Variants in HIF3A observed in about 807,000 individuals in gnomAD.
HIF3A encodes hypoxia inducible factor 3 subunit alpha.
A neutral mutation model predicts 67.2 loss-of-function variants in HIF3A; 41 were observed. The ratio of observed to expected loss-of-function variants is 0.61; its 90% CI spans 0.48 to 0.79. The LOEUF (loss-of-function observed/expected upper bound fraction) is 0.79, where lower values mean the gene tolerates loss of function less well. Among genes scored for constraint, HIF3A ranks in the 30% least tolerant of loss-of-function variants. HIF3A has a pLI of 0.00. For synonymous variants in HIF3A, 356 were observed against 374.8 expected (o/e 0.95, Z 0.58); for missense variants, 855 against 898.0 (o/e 0.95, Z 0.61).
rs749468259 is a variant in HIF3A at position 46,308,269 on chromosome 19, C to G, written c.412C>G (p.Gln138Glu). ...CTTTGATTTCATCCACCCCTGTGAC[C>G]AAGAGGAGCTTCAGGACGCCCTGAC... ...SIFDFIHPCD[Q>E]EELQDALTPQ... Residue 138 changes from glutamine to glutamate, a missense_variant, in exon 4 of 15, where the codon CAA becomes GAA. Gln to Glu is a conservative substitution (Grantham distance 29). Transcript: ENST00000377670. The G allele has an allele frequency of 3.7e-6, 6 of 1,613,806 alleles. No individual in the cohort carries two copies. The South Asian group carries it at 6.6e-5, about 18-fold the overall frequency.
chr19:46,322,557 A>G (rs1970452241), intron 10 of HIF3A, among the ~76,000 whole-genome samples: 1 of 152,126 alleles, frequency 6.6e-6, no homozygotes, highest in African/African-American at 2.4e-5. Flanking sequence ...CTCTTGCCTC[A>G]GCCTCCCAAG....
At chr19:46,304,236 C>G in intron 2 of HIF3A, 148 bp downstream of exon 2, 1 of 656,184 alleles carries the variant, frequency 1.5e-6, no homozygotes, top group South Asian at 1.9e-5. Context: ...CCCCACCCCC[C>G]TGGAATCGAC....
chr19:46,336,334 C>T (rs1039586948), intron 14 of HIF3A, among the ~76,000 whole-genome samples: 10 of 151,502 alleles, frequency 6.6e-5, no homozygotes, highest in African/African-American at 1.7e-4. Flanking sequence ...CCTCATGATC[C>T]GCCCACCTCG....
intron 1 of HIF3A, among the ~76,000 whole-genome samples, chr19:46,301,537 C>T (rs1968330043): frequency 6.6e-6 from 1 of 152,086 alleles, no homozygotes; most frequent in African/African-American, 2.4e-5. Flanking sequence ...TTTAAAATGC[C>T]CCCCTCCGCC....
At chr19:46,313,004 C>T (rs1969599667) in intron 8 of HIF3A, 3 of 988,920 alleles carry the variant, frequency 3.0e-6, no homozygotes, top group African/African-American at 3.6e-5. Context: ...AATCCTAGCA[C>T]TTTGGGAGGC....
At chr19:46,326,791 A>G (rs544453674) in intron 11 of HIF3A, among the ~76,000 whole-genome samples, 1 of 152,284 alleles carries the variant, frequency 6.6e-6, no homozygotes, top group African/African-American at 2.4e-5. Context: ...GCATGCATAT[A>G]TCCCTGGTCC....
rs751867559 is a variant in HIF3A at position 46,334,914 on chromosome 19, C to T, written c.1840C>T (p.Leu614=). The change falls in exon 14 of 15, where the codon CTG becomes TTG. Residue 614 remains leucine (L), a synonymous_variant. Coordinates refer to ENST00000377670, the MANE Select transcript of HIF3A (RefSeq NM_152795.4). ...TGTCTCTCTCCCACAGAGTTTCCTTCTGACAGGAGGACCAGCCCCAGGGAG... is the reference window on the plus strand; with the variant it reads ...TGTCTCTCTCCCACAGAGTTTCCTTTTGACAGGAGGACCAGCCCCAGGGAG... ...LLFPLSLSFL[L]TGGPAPGSLQ... The T allele has an allele frequency of 3.2e-5, 51 of 1,608,942 alleles. No individual in the cohort carries two copies. The highest frequency in any genetic ancestry group is 2.5e-4 in the East Asian group (11 of 44,728).
chr19:46,331,148 TC>T lies in HIF3A; in HGVS notation c.1713-6del. The T allele has an allele frequency of 6.2e-7, 1 of 1,605,398 alleles. No homozygotes were observed. The highest frequency in any genetic ancestry group is 8.5e-7 in the Non-Finnish European group (1 of 1,174,220). ...TGTGTCCTGAGATTCTTGCCTGTTT[TC>T]CTCCAGGACCCTGGCCCAGAGCTCA... On this transcript the variant is annotated splice_polypyrimidine_tract_variant and splice_region_variant and intron_variant, in intron 12 of 14. Transcript: ENST00000377670.
At chr19:46,330,367 G>A (rs931235796) in intron 12 of HIF3A, among the ~76,000 whole-genome samples, 3 of 152,198 alleles carry the variant, frequency 2.0e-5, no homozygotes, top group Admixed American at 6.5e-5. Flanking sequence ...ATGTCTGGAC[G>A]GATGGATGGA....
chr19:46,328,454 T>C lies in HIF3A; in HGVS notation c.1441-753T>C, dbSNP rs187261312. On this transcript the variant is annotated intron_variant, in intron 11 of 14. Coordinates refer to ENST00000377670, the MANE Select transcript of HIF3A (RefSeq NM_152795.4). ...AGAAATATTTTTTTATCTCTCTCTCTTCTTGCCTTTTACTATAAGTAACAA... is the reference window on the plus strand; with the variant it reads ...AGAAATATTTTTTTATCTCTCTCTCCTCTTGCCTTTTACTATAAGTAACAA... Among the ~76,000 whole-genome samples, 58 of 152,372 alleles carry C rather than the reference T, an allele frequency of 3.8e-4. 1 individual carries two copies. The highest frequency in any genetic ancestry group is 3.8e-3 in the Admixed American group (58 of 15,304).
chr19:46,341,290 C>T lies in HIF3A; in HGVS notation c.*1668C>T, dbSNP rs1215559936. Reference sequence around the variant, plus strand: ...TCTCGGCTCACTGCAGCCTCCACCTCCTGGGTTCAAGCAATTCTTGGGCCT... The same window carrying T: ...TCTCGGCTCACTGCAGCCTCCACCTTCTGGGTTCAAGCAATTCTTGGGCCT... On this transcript the variant is annotated 3_prime_UTR_variant, in exon 15 of 15. Transcript: ENST00000377670. 5 of 151,604 alleles carry T rather than the reference C, an allele frequency of 3.3e-5. No homozygotes were observed. The highest frequency in any genetic ancestry group is 4.9e-5 in the African/African-American group (2 of 41,194). 9.4% of individuals were successfully genotyped at this position (151,604 alleles called of 1,614,324 possible). A position where few individuals can be genotyped will look rare whatever the true frequency, so the allele number is the denominator to read the frequency against.
In HIF3A at chr19:46,309,196, C is replaced by T. The variant is rs756173301; in HGVS notation, c.607C>T (p.Gln203Ter). The T allele has an allele frequency of 1.2e-6, 2 of 1,614,126 alleles. No homozygotes were observed. The highest frequency in any genetic ancestry group is 1.7e-5 in the Admixed American group (1 of 60,020). The change falls in exon 6 of 15, where the codon CAG becomes TAG. Residue 203 changes from glutamine (Q) to a stop codon, truncating the protein, a stop_gained. Transcript: ENST00000377670. LOFTEE classifies it high-confidence loss of function. ...TATGAGGGCCTACAAGCCACCTGCG[C>T]AGACTTCTCCAGCTGGGAGCCCTGA... ...GHMRAYKPPAQTSPAGSPDSE... is the reference protein window; with the variant it reads ...GHMRAYKPPA
intron 6 of HIF3A, among the ~76,000 whole-genome samples, chr19:46,311,490 G>C (rs1969418641): frequency 6.6e-6 from 1 of 152,146 alleles, no homozygotes; most frequent in African/African-American, 2.4e-5. Flanking sequence ...CCTTCTGGAG[G>C]CTCCAGGAAA....
Position 46,312,201 on chromosome 19 carries a change from G to C in HIF3A, c.811G>C (p.Gly271Arg). ...VAGYSPDDLI[G>R]CSAYEYIHAL... The stretch of plus-strand genomic sequence containing the variant: ...TGGCTATAGTCCCGATGACCTGATC[G>C]GCTGTTCCGCCTACGAGTACATCCA... The change falls in exon 7 of 15, where the codon GGC (glycine) becomes CGC (arginine). Residue 271 changes from glycine (G) to arginine (R), a missense_variant. Physicochemically the swap from Gly to Arg is moderately radical, Grantham distance 125 (BLOSUM62 -2). Coordinates refer to ENST00000377670, the MANE Select transcript of HIF3A (RefSeq NM_152795.4). The C allele has an allele frequency of 6.2e-7, 1 of 1,613,926 alleles. No individual in the cohort carries two copies. Among genetic ancestry groups the C allele is most frequent in the Non-Finnish European group, 8.5e-7 (1 of 1,180,006 alleles).
intron 14 of HIF3A, among the ~76,000 whole-genome samples, chr19:46,338,037 T>C (rs10402696): frequency 0.14 from 20,612 of 152,190 alleles, 2,168 homozygotes; most frequent in African/African-American, 0.29. Flanking sequence ...GCACTCGCAC[T>C]GTGCCTAGCT....
At chr19:46,325,354 C>T (rs1970701956) in intron 10 of HIF3A, among the ~76,000 whole-genome samples, 181 bp from the exon 11 acceptor site, 1 of 152,104 alleles carries the variant, frequency 6.6e-6, no homozygotes, top group Admixed American at 6.6e-5. Context: ...TATGTACACC[C>T]AGGCATTCTG....
intron 14 of HIF3A, among the ~76,000 whole-genome samples, chr19:46,336,879 C>T (rs1006607970): frequency 2.0e-5 from 3 of 152,146 alleles, no homozygotes; most frequent in African/African-American, 4.8e-5. Context: ...CCCAACTACT[C>T]GGGAGGCTGA....
chr19:46,302,593 G>C (rs949000148), intron 1 of HIF3A, among the ~76,000 whole-genome samples: 7 of 152,166 alleles, frequency 4.6e-5, no homozygotes, highest in Non-Finnish European at 1.0e-4. Context: ...TATGAAAGAG[G>C]CCAGGCGTGG....
In HIF3A at chr19:46,321,907, T is replaced by G. The variant is rs746815083; in HGVS notation, c.1276T>G (p.Ser426Ala). ...CCTGGGACCCATCCTGGATGGGGCT[T>G]CAGTAGCAGCCACTCCCAGCACCCC... The part of the protein sequence containing the change: ...RLLGPILDGA[S>A]VAATPSTPLA... Residue 426 changes from serine (S) to alanine (A), a missense_variant, in exon 10 of 15, where the codon TCA becomes GCA. Physicochemically the swap from Ser to Ala is moderately conservative, Grantham distance 99. Transcript: ENST00000377670. 3.1e-6 allele frequency: 5 copies of G among 1,613,670 alleles called. No individual in the cohort carries two copies. Among genetic ancestry groups the G allele is most frequent in the African/African-American group, 1.3e-5 (1 of 74,898 alleles).
Sources: allele counts gnomAD v4.1 joint callset (sites outside exome capture counted in the v4.1 genomes callset), GRCh38; gene constraint gnomAD v4.1.1; transcripts MANE v1.5; gene names NCBI Gene and HGNC (gene_info 2026-07-23, HGNC 2026-07-21).